SSUH2: variants seen among roughly 807,000 people sequenced by gnomAD.
SSUH2 encodes the protein protein SSUH2 homolog.
In SSUH2, 47 loss-of-function variants were observed where a neutral mutation model predicts 55.3. The observed-to-expected ratio is 0.85, with a 90% CI of 0.67 to 1.08. The LOEUF is 1.08. Ranked by LOEUF, SSUH2 falls within the 50% of genes least tolerant of loss-of-function variation. SSUH2 has a pLI of 0.00. For synonymous variants in SSUH2, 212 were observed against 191.5 expected, an observed-to-expected ratio of 1.11 and a Z score of -0.89; for missense variants, 535 against 490.7, an observed-to-expected ratio of 1.09 and a Z score of -0.85.
intron 6 of SSUH2, chr3:8,659,591 T>C (rs1703272250): frequency 3.0e-6 from 1 of 337,182 alleles, no homozygotes; most frequent in South Asian, 2.5e-5. Flanking sequence ...TCCAGCTGGG[T>C]TGGAAGAATC....
At chr3:8,621,675 C>A (rs76626840) in intron 11 of SSUH2, among the ~76,000 whole-genome samples, 4,179 of 152,208 alleles carry the variant, frequency 0.027, 161 homozygotes, top group African/African-American at 0.094. Flanking sequence ...GTTGAGACAA[C>A]CAGATAAGAC....
At chr3:8,654,378 T>C (rs1050746695) in intron 7 of SSUH2, among the ~76,000 whole-genome samples, 4 of 152,252 alleles carry the variant, frequency 2.6e-5, no homozygotes, top group African/African-American at 9.6e-5. Context: ...ATCATGTTTG[T>C]AGAATCACCC....
At chr3:8,673,539 C>T (rs1437291268) in intron 3 of SSUH2, among the ~76,000 whole-genome samples, 1 of 152,158 alleles carries the variant, frequency 6.6e-6, no homozygotes, top group African/African-American at 2.4e-5. Context: ...CAGCGAAAAG[C>T]CGCAAGCCCT....
chr3:8,641,930 C>T (rs558143735), intron 1 of SSUH2, among the ~76,000 whole-genome samples: 1 of 152,300 alleles, frequency 6.6e-6, no homozygotes, highest in Non-Finnish European at 1.5e-5. Flanking sequence ...GTCCCAGCTG[C>T]TCAGCACTGG....
chr3:8,626,400 T>C, intron 8 of SSUH2, 79 bp from the exon 9 acceptor site: 1 of 1,036,128 alleles, frequency 9.7e-7, no homozygotes, highest in East Asian at 2.4e-5. Context: ...CTGCACCCCC[T>C]TCCTCCTGGA....
chr3:8,633,035 G>A (rs1346529739), intron 4 of SSUH2, among the ~76,000 whole-genome samples: 1 of 152,050 alleles, frequency 6.6e-6, no homozygotes. Flanking sequence ...ACCAGTGACA[G>A]TGATGCTACC....
At chr3:8,644,878 A>T (rs371250667), upstream of SSUH2, 166 of 823,428 alleles carry the variant, frequency 2.0e-4, no homozygotes, top group African/African-American at 2.3e-3. Flanking sequence ...CAGTTGGAAT[A>T]CAACAAAGGG....
Position 8,619,534 on chromosome 3 carries a change from A to G in SSUH2, c.*334T>C, listed in dbSNP as rs1028412918. On this transcript the variant is annotated 3_prime_UTR_variant, in exon 12 of 12. Coordinates refer to ENST00000544814, the MANE Select transcript of SSUH2 (RefSeq NM_001256748.3). ...GAAGCACACCAGAACCAAGACCGAC[A>G]AAGGGAAAAAGCAAAATCAAATCAC... 1.3e-5 allele frequency: 3 copies of G among 236,428 alleles called. No individual in the cohort carries two copies. The highest frequency in any genetic ancestry group is 2.4e-5 in the Non-Finnish European group (3 of 123,446). 14.6% of individuals were successfully genotyped at this position (236,428 alleles called of 1,614,324 possible). A position where few individuals can be genotyped will look rare whatever the true frequency, so the allele number is the denominator to read the frequency against.
chr3:8,659,750 C>T (rs955458414), intron 6 of SSUH2: 22 of 456,194 alleles, frequency 4.8e-5, no homozygotes, highest in Middle Eastern at 6.5e-4. Flanking sequence ...TTCATTCATT[C>T]AATGGGTATT....
At chr3:8,652,949 G>A (rs1341437416) in intron 7 of SSUH2, among the ~76,000 whole-genome samples, 3 of 152,212 alleles carry the variant, frequency 2.0e-5, no homozygotes, top group Non-Finnish European at 4.4e-5. Context: ...GAGTGGGGAG[G>A]AGACTGGGCT....
At chr3:8,637,833 CTTGTTTGT>C (rs59930358) in intron 1 of SSUH2, among the ~76,000 whole-genome samples, 20,915 of 151,482 alleles carry the variant, frequency 0.14, 3,023 homozygotes, top group African/African-American at 0.36. Context: ...TCTCCTAGAG[CTTGTTTGT>C]TTGTTTGTTT....
At chr3:8,655,652 C>T (rs1262304016) in intron 7 of SSUH2, among the ~76,000 whole-genome samples, 1 of 152,232 alleles carries the variant, frequency 6.6e-6, no homozygotes, top group East Asian at 1.9e-4. Context: ...GTTATGCACA[C>T]AAACTAGTCG....
intron 3 of SSUH2, among the ~76,000 whole-genome samples, chr3:8,677,027 G>T (rs537100759): frequency 6.7e-6 from 1 of 148,266 alleles, no homozygotes; most frequent in African/African-American, 2.5e-5. Context: ...CATCGCGGTG[G>T]GGGGAGGAAC....
chr3:8,663,994 G>A (rs1703743130), intron 5 of SSUH2: 1 of 355,696 alleles, frequency 2.8e-6, no homozygotes, highest in African/African-American at 2.1e-5. Flanking sequence ...GCTTCTAAGG[G>A]AAGTGCTGGG....
intron 9 of SSUH2, 119 bp downstream of exon 9, chr3:8,626,110 C>T (rs1697470467): frequency 1.3e-6 from 1 of 769,986 alleles, no homozygotes; most frequent in African/African-American, 1.7e-5. Flanking sequence ...CTTCTAAGTC[C>T]TGGCAGGTTC....
intron 1 of SSUH2, among the ~76,000 whole-genome samples, chr3:8,680,420 T>C (rs535279522): frequency 1.7e-4 from 26 of 152,204 alleles, no homozygotes; most frequent in African/African-American, 4.8e-4. Context: ...GTTTCACAGA[T>C]GGGTGTACAC....
chr3:8,659,680 G>T, intron 6 of SSUH2: 1 of 432,324 alleles, frequency 2.3e-6, no homozygotes, highest in Admixed American at 2.5e-5. Context: ...AATGGGCATG[G>T]GATCCAGTAT....
intron 11 of SSUH2, among the ~76,000 whole-genome samples, chr3:8,622,467 A>C (rs1228340602): frequency 2.0e-5 from 3 of 152,016 alleles, no homozygotes; most frequent in Non-Finnish European, 4.4e-5. Flanking sequence ...ATATTGAAAA[A>C]CTACAAGTTT....
chr3:8,649,132 C>A (rs1702086064), upstream of SSUH2, among the ~76,000 whole-genome samples: 1 of 152,178 alleles, frequency 6.6e-6, no homozygotes, highest in East Asian at 1.9e-4. Context: ...ATCCTGCTGC[C>A]TTTGCTTCCT....
Sources: allele counts gnomAD v4.1 joint callset (sites outside exome capture counted in the v4.1 genomes callset), GRCh38; gene constraint gnomAD v4.1.1; transcripts MANE v1.5; gene names NCBI Gene and HGNC (gene_info 2026-07-23, HGNC 2026-07-21).